WDR36: variants seen among roughly 807,000 people sequenced by gnomAD.
WDR36 encodes WD repeat-containing protein 36.
Under a neutral mutation model 112.7 loss-of-function variants are expected in WDR36, and 63 were observed. That is an observed-to-expected ratio of 0.56 (90% CI 0.46 to 0.69). The LOEUF (loss-of-function observed/expected upper bound fraction) is 0.69, where lower values mean the gene tolerates loss of function less well. WDR36 is among the 30% of genes least tolerant of loss of function. The probability of loss-of-function intolerance (pLI) is 0.00; values close to 1 mark genes in which losing one functional copy is unlikely to be tolerated. For missense variants in WDR36, 1,226 were observed against 1,070.3 expected, an observed-to-expected ratio of 1.15 and a Z score of -2.03; for synonymous variants, 410 against 362.2, an observed-to-expected ratio of 1.13 and a Z score of -1.50.
At chr5:111,105,514 A>T (rs1287010752) in intron 10 of WDR36, among the ~76,000 whole-genome samples, 154 bp downstream of exon 10, 1 of 151,618 alleles carries the variant, frequency 6.6e-6, no homozygotes, top group Non-Finnish European at 1.5e-5. Context: ...CCTAGCATCA[A>T]AGTTGCTATA....
intron 12 of WDR36, among the ~76,000 whole-genome samples, chr5:111,109,417 G>A (rs1035479865): frequency 3.3e-5 from 5 of 151,094 alleles, no homozygotes; most frequent in Non-Finnish European, 7.4e-5. Flanking sequence ...TGACAAAGTG[G>A]TATGTCAAAC....
chr5:111,120,895 G>C (rs1753551987), intron 18 of WDR36, 101 bp from the exon 19 acceptor site: 8 of 1,027,340 alleles, frequency 7.8e-6, no homozygotes, highest in Non-Finnish European at 1.0e-5. Flanking sequence ...CTACAAGGCT[G>C]CATTAAATGA....
chr5:111,108,543 C>T (rs974814469), intron 12 of WDR36, among the ~76,000 whole-genome samples: 24 of 148,624 alleles, frequency 1.6e-4, no homozygotes, highest in East Asian at 3.9e-4. Flanking sequence ...TTCTATCTTA[C>T]GCTCCCGTAG....
intron 4 of WDR36, 145 bp downstream of exon 4, chr5:111,098,984 A>T (rs560296314): frequency 1.6e-6 from 1 of 640,608 alleles, no homozygotes; most frequent in African/African-American, 1.8e-5. Flanking sequence ...CGTGTAAGAA[A>T]AAAAGTTCTA....
chr5:111,119,090 C>G lies in WDR36; in HGVS notation c.1874C>G (p.Ser625Cys). 1 of 1,613,370 alleles carries G rather than the reference C, an allele frequency of 6.2e-7. No homozygotes were observed. Among genetic ancestry groups the G allele is most frequent in the Non-Finnish European group, 8.5e-7 (1 of 1,179,412 alleles). ...CCTACTGGAGACTTTCTGGCAACTTCCCATGTGGACCACCTTGGAATTTAT... is the reference window on the plus strand; with the variant it reads ...CCTACTGGAGACTTTCTGGCAACTTGCCATGTGGACCACCTTGGAATTTAT... ...MSPTGDFLAT[S>C]HVDHLGIYLW... Residue 625 changes from serine to cysteine, a missense_variant, in exon 17 of 23, where the codon TCC becomes TGC. By Grantham distance (112) the Ser-to-Cys change is moderately radical. Transcript: ENST00000513710.
Position 111,128,794 on chromosome 5 carries a change from T to G in WDR36, c.*1911T>G. 1 of 182,710 alleles carries G rather than the reference T, an allele frequency of 5.5e-6. No individual in the cohort carries two copies. The highest frequency in any genetic ancestry group is 1.2e-5 in the Non-Finnish European group (1 of 85,792). The allele number at this position is 182,710 out of a possible 1,614,324, so 11.3% of individuals were successfully genotyped here. A position where few individuals can be genotyped will look rare whatever the true frequency, so the allele number is the denominator to read the frequency against. On this transcript the variant is annotated 3_prime_UTR_variant, in exon 23 of 23. Coordinates refer to ENST00000513710, the MANE Select transcript of WDR36 (RefSeq NM_139281.3). Reference sequence around the variant, plus strand: ...AAATATAATTTTATCTATATTTTCCTTAAAATATATCAATCTGTGCACACT... The same window carrying G: ...AAATATAATTTTATCTATATTTTCCGTAAAATATATCAATCTGTGCACACT...
chr5:111,101,141 C>A (rs895924911), intron 5 of WDR36, among the ~76,000 whole-genome samples: 4 of 151,804 alleles, frequency 2.6e-5, no homozygotes, highest in African/African-American at 9.7e-5. Flanking sequence ...TGGAACCAAT[C>A]CCCCACAGGT....
intron 8 of WDR36, 38 bp downstream of exon 8, chr5:111,104,390 A>C (rs189333442): frequency 3.1e-6 from 5 of 1,610,450 alleles, no homozygotes; most frequent in Admixed American, 1.7e-5. Flanking sequence ...TGGCTCATCT[A>C]ACTTACCCTT....
rs1446491378 is a variant in WDR36 at position 111,127,068 on chromosome 5, G to C, written c.*185G>C. 5 of 558,446 alleles carry C rather than the reference G, an allele frequency of 9.0e-6. No individual in the cohort carries two copies. Among genetic ancestry groups the C allele is most frequent in the Non-Finnish European group, 1.2e-5 (4 of 334,328 alleles). The allele number at this position is 558,446 out of a possible 1,614,324, so 34.6% of individuals were successfully genotyped here. A position where few individuals can be genotyped will look rare whatever the true frequency, so the allele number is the denominator to read the frequency against. ...ATCGCACCTCCCGGCCAGGCATGAT[G>C]GATAATGCCTGTAATTCCAGCACTT... is the stretch of plus-strand genomic sequence containing the variant. On this transcript the variant is annotated 3_prime_UTR_variant, in exon 23 of 23. Coordinates refer to ENST00000513710, the MANE Select transcript of WDR36 (RefSeq NM_139281.3).
chr5:111,098,313 T>TC (rs144429326), intron 3 of WDR36, among the ~76,000 whole-genome samples: 20,322 of 152,122 alleles, frequency 0.13, 1,440 homozygotes, highest in South Asian at 0.28. Flanking sequence ...TATCCCCCTT[T>TC]CCCATCTCAT....
Position 111,106,048 on chromosome 5 carries a change from C to T in WDR36, c.1094-9C>T. On this transcript the variant is annotated splice_polypyrimidine_tract_variant and intron_variant, in intron 10 of 22. Coordinates refer to ENST00000513710, the MANE Select transcript of WDR36 (RefSeq NM_139281.3). ...TAGCTATGTATGTTCCCCTTTCCCC[C>T]ATCCTTAGGATTAATAAATAAAAAG... The T allele has an allele frequency of 6.2e-7, 1 of 1,600,372 alleles. No individual in the cohort carries two copies. The highest frequency in any genetic ancestry group is 2.2e-5 in the East Asian group (1 of 44,652).
chr5:111,107,573 A>C (rs1209279982), intron 12 of WDR36, 134 bp downstream of exon 12: 9 of 1,196,528 alleles, frequency 7.5e-6, no homozygotes, highest in Non-Finnish European at 1.0e-5. Context: ...CATAACCCAA[A>C]GCCACAAAAA....
intron 4 of WDR36, among the ~76,000 whole-genome samples, chr5:111,099,464 T>TTTTTTTTTTTTTTTTTTTTTTTTG (rs1753072320): frequency 6.4e-5 from 1 of 15,708 alleles, no homozygotes; most frequent in Admixed American, 8.3e-4. Flanking sequence ...TTTTTTTTTG[T>TTTTTTTTTTTTTTTTTTTTTTTTG]TTTTTTTTTT....
chr5:111,103,192 T>C (rs770462905), intron 6 of WDR36, among the ~76,000 whole-genome samples: 6 of 151,740 alleles, frequency 4.0e-5, no homozygotes, highest in African/African-American at 7.2e-5. Flanking sequence ...ATAATGATAT[T>C]GGACATTGAT....
rs1341123554 is a variant in WDR36, at chr5:111,113,064, T to A, written c.1717-10T>A. On this transcript the variant is annotated splice_polypyrimidine_tract_variant and intron_variant, in intron 15 of 22. Transcript: ENST00000513710. ...TATATATATATATATTTTTTTTTTT[T>A]AATTTAAAGGCTTTTAGTCCTGATG... 1.9e-5 allele frequency: 21 copies of A among 1,104,442 alleles called. 1 individual carries two copies. Among genetic ancestry groups the A allele is most frequent in the East Asian group, 6.8e-5 (2 of 29,324 alleles). 68.4% of individuals were successfully genotyped at this position (1,104,442 alleles called of 1,614,324 possible).
chr5:111,125,938 C>A, intron 22 of WDR36, 143 bp downstream of exon 22: 3 of 759,852 alleles, frequency 3.9e-6, no homozygotes, highest in Non-Finnish European at 6.7e-6. Flanking sequence ...CTATTGAGTT[C>A]TTGAAATGTA....
At chr5:111,102,821 G>T (rs899365394) in intron 6 of WDR36, among the ~76,000 whole-genome samples, 1 of 151,544 alleles carries the variant, frequency 6.6e-6, no homozygotes, top group African/African-American at 2.4e-5. Flanking sequence ...TTCGATGATG[G>T]ACTATTTAAG....
chr5:111,111,167 T>C lies in WDR36; in HGVS notation c.1608-3T>C. The C allele has an allele frequency of 1.2e-6, 2 of 1,611,412 alleles. No individual in the cohort carries two copies. The highest frequency in any genetic ancestry group is 2.2e-5 in the East Asian group (1 of 44,804). Reference sequence around the variant, plus strand: ...ATTAAAACTGGTGCATTTATCTTGCTAGTGGCATTCTGGGACTCGCCTTGG... The same window carrying C: ...ATTAAAACTGGTGCATTTATCTTGCCAGTGGCATTCTGGGACTCGCCTTGG... On this transcript the variant is annotated splice_region_variant and splice_polypyrimidine_tract_variant and intron_variant, in intron 14 of 22. Coordinates refer to ENST00000513710, the MANE Select transcript of WDR36 (RefSeq NM_139281.3).
chr5:111,104,496 C>A, intron 8 of WDR36, 144 bp downstream of exon 8: 2 of 1,383,690 alleles, frequency 1.4e-6, no homozygotes, highest in Non-Finnish European at 2.0e-6. Flanking sequence ...ACAAAAAGCA[C>A]AGCAGGTGAC....
Sources: gnomAD v4.1 joint callset for allele counts (sites outside exome capture counted in the v4.1 genomes callset) on GRCh38, gnomAD v4.1.1 for gene constraint, MANE v1.5 for transcripts, NCBI Gene and HGNC (gene_info 2026-07-23, HGNC 2026-07-21) for gene names.